The following FAM135B variants were observed in gnomAD, a reference collection of about 807,000 sequenced individuals.
The protein encoded by FAM135B is family with sequence similarity 135 member B.
FAM135B carries 43 observed loss-of-function variants against 127.7 expected under a neutral mutation model. That is an observed-to-expected ratio of 0.34 (90% CI 0.26 to 0.43). FAM135B has a LOEUF of 0.43. Ranked by LOEUF, FAM135B falls within the 20% of genes least tolerant of loss-of-function variation. The pLI, the probability that FAM135B is intolerant of heterozygous loss-of-function variation, is 1.00. For synonymous variants in FAM135B, 670 were observed against 665.1 expected (o/e 1.01, Z -0.11); for missense variants, 1,558 against 1,725.6 (o/e 0.90, Z 1.72).
intron 1 of FAM135B, among the ~76,000 whole-genome samples, chr8:138,454,480 A>G (rs932887502): frequency 6.6e-6 from 1 of 152,194 alleles, no homozygotes; most frequent in African/African-American, 2.4e-5. Context: ...CTGAGAGTTT[A>G]GCTATCTGAA....
In FAM135B at chr8:138,155,392, G is replaced by A. The variant is rs956446311; in HGVS notation, c.1259-2176C>T. Among the ~76,000 whole-genome samples the A allele has an allele frequency of 3.3e-5, 5 of 152,140 alleles. No individual in the cohort carries two copies. The East Asian group carries it at 5.8e-4, about 18-fold the overall frequency. Reference sequence around the variant, plus strand: ...CTGGGAAGAAGCTGCATCAACTAACGAGCAAAATAACCAGCTAACATCATA... The same window carrying A: ...CTGGGAAGAAGCTGCATCAACTAACAAGCAAAATAACCAGCTAACATCATA... On this transcript the variant is annotated intron_variant, in intron 12 of 19. Coordinates refer to ENST00000395297, the MANE Select transcript of FAM135B (RefSeq NM_015912.4).
At chr8:138,389,234 A>G (rs1422672978) in intron 1 of FAM135B, among the ~76,000 whole-genome samples, 1 of 152,370 alleles carries the variant, frequency 6.6e-6, no homozygotes, top group East Asian at 1.9e-4. Context: ...GTCAATATGG[A>G]AATCAGTTTG....
chr8:138,181,673 G>A (rs1213320748), intron 9 of FAM135B, among the ~76,000 whole-genome samples: 1 of 148,882 alleles, frequency 6.7e-6, no homozygotes, highest in Non-Finnish European at 1.5e-5. Context: ...CATTTCAGAA[G>A]CCAATTTTGT....
chr8:138,439,428 T>C (rs1156327175), intron 1 of FAM135B: 2 of 152,150 alleles, frequency 1.3e-5, no homozygotes, highest in African/African-American at 4.8e-5. Context: ...ACCTCAGTAG[T>C]CCTCATGGGT....
intron 1 of FAM135B, among the ~76,000 whole-genome samples, chr8:138,402,132 T>C (rs926249053): frequency 1.3e-5 from 2 of 151,924 alleles, no homozygotes; most frequent in Admixed American, 6.6e-5. Flanking sequence ...AGAGAAGGAA[T>C]AGCTGCAGGT....
intron 3 of FAM135B, among the ~76,000 whole-genome samples, chr8:138,270,562 A>G (rs1311736314): frequency 1.3e-5 from 2 of 152,374 alleles, no homozygotes; most frequent in South Asian, 2.1e-4. Context: ...TAAGTAATTC[A>G]TAATGCACAA....
rs35925384 is a variant in FAM135B at position 138,151,723 on chromosome 8, G to A, written c.2752C>T (p.Leu918Phe). 2.2e-4 allele frequency: 353 copies of A among 1,614,084 alleles called. No individual in the cohort carries two copies. The highest frequency in any genetic ancestry group is 2.8e-4 in the Non-Finnish European group (331 of 1,180,056). ...ACCTCTGAGATGCCACTGTTGGAAA[G>A]AGCTTGCTGACCCACATTCAAGTCT... ...PKDLNVGQQA[L>F]SNSGISEVEG... The change falls in exon 13 of 20, where the codon CTT becomes TTT. Residue 918 changes from leucine to phenylalanine, a missense_variant. Leu to Phe is a conservative substitution (Grantham distance 22, BLOSUM62 0). Coordinates refer to ENST00000395297, the MANE Select transcript of FAM135B (RefSeq NM_015912.4).
At chr8:138,198,115 T>A (rs1586749543) in intron 7 of FAM135B, among the ~76,000 whole-genome samples, 1 of 152,022 alleles carries the variant, frequency 6.6e-6, no homozygotes, top group African/African-American at 2.4e-5. Context: ...CAGTGGGAGG[T>A]AATTGAATCA....
chr8:138,289,219 C>T (rs989180697), intron 3 of FAM135B, among the ~76,000 whole-genome samples: 5 of 152,290 alleles, frequency 3.3e-5, no homozygotes, highest in African/African-American at 9.6e-5. Flanking sequence ...AAGCCTCTGC[C>T]ATCAGGATGT....
chr8:138,172,897 C>A (rs892864873), intron 11 of FAM135B, among the ~76,000 whole-genome samples: 1 of 152,212 alleles, frequency 6.6e-6, no homozygotes, highest in South Asian at 2.1e-4. Context: ...CCTCCCCTAC[C>A]TCACCCATGG....
At position 138,242,434 on chromosome 8, in the gene FAM135B, T is replaced by C. The variant is rs1299222795; in HGVS notation, c.669+508A>G. Reference sequence around the variant, plus strand: ...AGGGGAAGGACAGGATATGCATATTTAGTTAGCAGCTAGTGAGTATTGGAT... The same window carrying C: ...AGGGGAAGGACAGGATATGCATATTCAGTTAGCAGCTAGTGAGTATTGGAT... On this transcript the variant is annotated intron_variant, in intron 7 of 19. Coordinates refer to ENST00000395297, the MANE Select transcript of FAM135B (RefSeq NM_015912.4). This position sits in a 1 kb window ranked among gnomAD's most constrained non-coding sequence, Gnocchi z 9.6. Among the ~76,000 whole-genome samples the C allele has an allele frequency of 6.6e-6, 1 of 152,114 alleles. No homozygotes were observed. The highest frequency in any genetic ancestry group is 1.5e-5 in the Non-Finnish European group (1 of 68,028).
chr8:138,482,100 T>C (rs1432167742), intron 1 of FAM135B, among the ~76,000 whole-genome samples: 2 of 152,146 alleles, frequency 1.3e-5, no homozygotes, highest in Non-Finnish European at 2.9e-5. Context: ...AGCTGAAAGA[T>C]GCAAAAGAGA....
Position 138,329,698 on chromosome 8 carries a change from C to T in FAM135B, c.78-18778G>A, listed in dbSNP as rs1828037099. ...TAGACAGACATGGGGAAGCTGTAAACTCACCTCACAGCTTTGTTGTGAGGG... is the reference window on the plus strand; with the variant it reads ...TAGACAGACATGGGGAAGCTGTAAATTCACCTCACAGCTTTGTTGTGAGGG... On this transcript the variant is annotated intron_variant, in intron 2 of 19. Coordinates refer to ENST00000395297, the MANE Select transcript of FAM135B (RefSeq NM_015912.4). Among the ~76,000 whole-genome samples, 3 of 152,140 alleles carry T rather than the reference C, an allele frequency of 2.0e-5. No individual in the cohort carries two copies. In the South Asian group the frequency reaches 6.2e-4, roughly 32 times the overall value.
chr8:138,421,105 AT>A (rs373890404), intron 1 of FAM135B, among the ~76,000 whole-genome samples: 2 of 152,280 alleles, frequency 1.3e-5, no homozygotes, highest in African/African-American at 4.8e-5. Flanking sequence ...AGGTCAGGAG[AT>A]TGAGACCATC....
At chr8:138,482,220 C>T (rs1311878338) in intron 1 of FAM135B, among the ~76,000 whole-genome samples, 1 of 152,128 alleles carries the variant, frequency 6.6e-6, no homozygotes, top group African/African-American at 2.4e-5. Flanking sequence ...ATGTGGGAAA[C>T]AACAAGGTCC....
chr8:138,169,409 T>C (rs1820229234), intron 11 of FAM135B, among the ~76,000 whole-genome samples: 1 of 141,624 alleles, frequency 7.1e-6, no homozygotes, highest in South Asian at 2.1e-4. Flanking sequence ...TTTAACTCTT[T>C]AAATGTTCTC....
At position 138,265,705 on chromosome 8, in the gene FAM135B, T is replaced by C. The variant is rs1207820359; in HGVS notation, c.295A>G (p.Arg99Gly). 1.9e-6 allele frequency: 3 copies of C among 1,614,016 alleles called. No homozygotes were observed. Among genetic ancestry groups the C allele is most frequent in the Admixed American group, 3.3e-5 (2 of 60,012 alleles). Residue 99 changes from arginine to glycine, a missense_variant and splice_region_variant, in exon 4 of 20, where the codon AGG becomes GGG. Arg to Gly is a moderately radical substitution (Grantham distance 125). Around this residue, in one of 5 missense-constraint regions of FAM135B, gnomAD observed 199 missense variants for 245.7 expected, o/e 0.81. Coordinates refer to ENST00000395297, the MANE Select transcript of FAM135B (RefSeq NM_015912.4). ...FRVHLLLGGE[R>G]MEDALSEVDF... Reference sequence around the variant, plus strand: ...CTGGTGGTAGATTCATGACTTACCCTTTCACCACCCAAGAGTAAATGAACT... The same window carrying C: ...CTGGTGGTAGATTCATGACTTACCCCTTCACCACCCAAGAGTAAATGAACT...
At chr8:138,253,803 G>T (rs988293524) in intron 5 of FAM135B, among the ~76,000 whole-genome samples, 5 of 152,116 alleles carry the variant, frequency 3.3e-5, no homozygotes, top group Non-Finnish European at 7.3e-5. Context: ...AGACTTACCT[G>T]ATGCTAAAGA....
At chr8:138,485,308 G>C (rs1299721668) in intron 1 of FAM135B, among the ~76,000 whole-genome samples, 1 of 152,110 alleles carries the variant, frequency 6.6e-6, no homozygotes, top group Non-Finnish European at 1.5e-5. Flanking sequence ...AGCCACACAA[G>C]GTCCCAGAGT....
Sources: allele counts gnomAD v4.1 joint callset (sites outside exome capture counted in the v4.1 genomes callset), GRCh38; gene constraint gnomAD v4.1.1; regional missense constraint gnomAD v4.1.1; non-coding constraint Gnocchi (gnomAD v3.1); transcripts MANE v1.5; gene names NCBI Gene and HGNC (gene_info 2026-07-23, HGNC 2026-07-21).